Variants in LATS1 observed in about 807,000 individuals in gnomAD.
The protein encoded by LATS1 is serine/threonine-protein kinase LATS1.
Under a neutral mutation model 106.6 loss-of-function variants are expected in LATS1, and 25 were observed. The observed-to-expected ratio is 0.23, with a 90% confidence interval of 0.17 to 0.33. LATS1 has a LOEUF of 0.33. Among genes scored for constraint, LATS1 ranks in the 10% least tolerant of loss-of-function variants. The pLI is 1.00. For synonymous variants in LATS1, 465 were observed against 455.6 expected (o/e 1.02, Z -0.26); for missense variants, 1,040 against 1,382.6 (o/e 0.75, Z 3.93).
chr6:149,683,113 T>C lies in LATS1; in HGVS notation c.1976A>G (p.His659Arg), dbSNP rs770645735. The change falls in exon 4 of 8, where the codon CAT becomes CGT. Residue 659 changes from histidine to arginine, a missense_variant. His to Arg is a conservative substitution (Grantham distance 29). This residue lies in a region of LATS1 where 167 missense variants were observed against 332.1 expected (regional missense o/e 0.50). Transcript: ENST00000543571. Reference sequence around the variant, plus strand: ...TTCATTCTCTAATTGTTTTTTACGATGTAGACGCTGCTGATGAGATTTGAG... The same window carrying C: ...TTCATTCTCTAATTGTTTTTTACGACGTAGACGCTGCTGATGAGATTTGAG... ...NVLKSHQQRLHRKKQLENEMM... is the reference protein window; with the variant it reads ...NVLKSHQQRLRRKKQLENEMM... 1.2e-5 allele frequency: 20 copies of C among 1,613,276 alleles called. No individual in the cohort carries two copies. The highest frequency in any genetic ancestry group is 5.0e-5 in the Admixed American group (3 of 59,974).
chr6:149,714,309 G>C (rs1582938827), intron 1 of LATS1, among the ~76,000 whole-genome samples: 2 of 151,696 alleles, frequency 1.3e-5, no homozygotes, highest in Non-Finnish European at 2.9e-5. Context: ...GATCTTGCTA[G>C]GTTGCCCAGG....
chr6:149,673,281 G>A (rs1193158892), intron 7 of LATS1, among the ~76,000 whole-genome samples: 1 of 151,014 alleles, frequency 6.6e-6, no homozygotes, highest in Non-Finnish European at 1.5e-5. Flanking sequence ...TATTTTTTTT[G>A]TAGAGACACG....
At chr6:149,699,628 A>G (rs912121209) in intron 2 of LATS1, among the ~76,000 whole-genome samples, 2 of 152,240 alleles carry the variant, frequency 1.3e-5, no homozygotes, top group Non-Finnish European at 2.9e-5. Flanking sequence ...TAGCACTTCA[A>G]TGAAAAAAAG....
Position 149,661,921 on chromosome 6 carries a change from A to AT in LATS1, c.3200dup (p.Asn1067LysfsTer6). ...AGAATGCATGTTCAGGATGCTTTCC[A>AT]TTTTTATACCATCCATTGAGAGTGT... On this transcript the variant is annotated frameshift_variant, in exon 8 of 8. Coordinates refer to ENST00000543571, the MANE Select transcript of LATS1 (RefSeq NM_004690.4). LOFTEE classifies it high-confidence loss of function. 6.2e-7 allele frequency: 1 copy of AT among 1,613,880 alleles called. No individual in the cohort carries two copies. Among genetic ancestry groups the AT allele is most frequent in the Non-Finnish European group, 8.5e-7 (1 of 1,179,914 alleles).
intron 1 of LATS1, chr6:149,716,391 G>C (rs557137151): frequency 1.3e-5 from 2 of 152,216 alleles, no homozygotes; most frequent in African/African-American, 4.8e-5. Flanking sequence ...AAAAGTGAAA[G>C]CAACGCTGTA....
chr6:149,676,414 C>T (rs775985482), intron 6 of LATS1, 48 bp from the exon 7 acceptor site: 2 of 1,418,596 alleles, frequency 1.4e-6, no homozygotes, highest in East Asian at 2.3e-5. Context: ...GCTCAGAATA[C>T]AATAAAAATT....
rs1781966046 is a variant in LATS1 at position 149,680,363 on chromosome 6, T to C, written c.2105A>G (p.Lys702Arg). ...YIRLKRAKMD[K>R]SMFVKIKTLG... is the part of the protein sequence containing the mutation. ...TGTCTTTATCTTCACAAACATAGACTTGTCCATTTTAGCCCTTTTAAGACG... is the reference window on the plus strand; with the variant it reads ...TGTCTTTATCTTCACAAACATAGACCTGTCCATTTTAGCCCTTTTAAGACG... Residue 702 changes from lysine to arginine, a missense_variant, in exon 5 of 8, where the codon AAG (lysine) becomes AGG (arginine). Physicochemically the swap from Lys to Arg is conservative, Grantham distance 26. This residue lies in a region of LATS1 where 167 missense variants were observed against 332.1 expected (regional missense o/e 0.50). Transcript: ENST00000543571. The C allele has an allele frequency of 6.2e-7, 1 of 1,613,932 alleles. No homozygotes were observed. The highest frequency in any genetic ancestry group is 1.1e-5 in the South Asian group (1 of 91,086).
intron 4 of LATS1, 135 bp from the exon 5 acceptor site, chr6:149,680,592 G>A: frequency 1.5e-6 from 1 of 664,538 alleles, no homozygotes; most frequent in Non-Finnish European, 2.5e-6. Flanking sequence ...TAGAAATCTA[G>A]AAAACATTTC....
rs879453189 is a variant in LATS1 at position 149,711,240 on chromosome 6, T to TA, written c.-141+6608dup. On this transcript the variant is annotated intron_variant, in intron 1 of 7. Transcript: ENST00000543571. The stretch of plus-strand genomic sequence containing the variant: ...ACTAACTTTAAAGAAACTGTTTTGT[T>TA]AAAAAAAAAAAAAATATCTTTTGGC... Among the ~76,000 whole-genome samples the TA allele has an allele frequency of 3.5e-3, 507 of 143,158 alleles. 2 individuals carry two copies. The highest frequency in any genetic ancestry group is 6.5e-3 in the African/African-American group (254 of 39,362). 93.9% of individuals were successfully genotyped at this position (143,158 alleles called of 152,430 possible).
intron 1 of LATS1, among the ~76,000 whole-genome samples, chr6:149,713,603 A>C (rs1223580801): frequency 1.3e-5 from 2 of 151,832 alleles, no homozygotes; most frequent in African/African-American, 4.8e-5. Context: ...GACAATTGTA[A>C]TATTTTCATT....
Position 149,684,116 on chromosome 6 carries a change from C to A in LATS1, c.973G>T (p.Val325Phe). 6.2e-7 allele frequency: 1 copy of A among 1,614,208 alleles called. No individual in the cohort carries two copies. Among genetic ancestry groups the A allele is most frequent in the Non-Finnish European group, 8.5e-7 (1 of 1,180,030 alleles). Reference sequence around the variant, plus strand: ...TGCATGATGATTGGTTGTCTGCCAACAGGAACAGAACTAATGCCTCTCTGT... The same window carrying A: ...TGCATGATGATTGGTTGTCTGCCAAAAGGAACAGAACTAATGCCTCTCTGT... ...QGQRGISSVPVGRQPIIMQSS... is the reference protein window; with the variant it reads ...QGQRGISSVPFGRQPIIMQSS... Residue 325 changes from valine to phenylalanine, a missense_variant, in exon 4 of 8, where the codon GTT becomes TTT. This residue lies in a region of LATS1 where 624 missense variants were observed against 714.8 expected (regional missense o/e 0.87). Transcript: ENST00000543571.
At chr6:149,712,360 G>A (rs527433341) in intron 1 of LATS1, among the ~76,000 whole-genome samples, 37 of 152,126 alleles carry the variant, frequency 2.4e-4, no homozygotes, top group Admixed American at 2.0e-3. Context: ...CACCACACCC[G>A]GTTAATTTTC....
At chr6:149,664,531 C>T (rs148315580) in intron 7 of LATS1, among the ~76,000 whole-genome samples, 23 of 152,180 alleles carry the variant, frequency 1.5e-4, no homozygotes, top group Admixed American at 1.3e-4. Context: ...TAAAAGCAAC[C>T]AGAGAGGTCC....
chr6:149,679,350 G>C (rs889934056), intron 5 of LATS1, among the ~76,000 whole-genome samples: 4 of 151,906 alleles, frequency 2.6e-5, no homozygotes, highest in Non-Finnish European at 4.4e-5. Context: ...TCAGGAGTTC[G>C]AGATCAGCCT....
chr6:149,694,845 T>C (rs1782970448), intron 3 of LATS1, among the ~76,000 whole-genome samples: 2 of 152,228 alleles, frequency 1.3e-5, no homozygotes, highest in Non-Finnish European at 2.9e-5. Context: ...ACCAATCAAA[T>C]AGATCTCAAT....
chr6:149,676,988 C>T (rs75915099), intron 5 of LATS1, among the ~76,000 whole-genome samples: 2 of 152,248 alleles, frequency 1.3e-5, no homozygotes, highest in African/African-American at 4.8e-5. Flanking sequence ...TGTTAAATAA[C>T]AACAATATGA....
At position 149,680,437 on chromosome 6, in the gene LATS1, G is replaced by C. The variant is rs747832418; in HGVS notation, c.2031C>G (p.Ala677=). The change falls in exon 5 of 8, where the codon GCC becomes GCG. Residue 677 remains alanine (A), a synonymous_variant. Transcript: ENST00000543571. The stretch of plus-strand genomic sequence containing the variant: ...AAAGCATCTTTCTCATTTGATCCTG[G>C]GCATCTTGAGATAATCCAACCTAGG... The part of the protein sequence containing the change: ...EMMRVGLSQD[A]QDQMRKMLCQ... 1 of 1,608,772 alleles carries C rather than the reference G, an allele frequency of 6.2e-7. No individual in the cohort carries two copies. Among genetic ancestry groups the C allele is most frequent in the East Asian group, 2.2e-5 (1 of 44,780 alleles).
chr6:149,707,149 G>A (rs527635375), intron 1 of LATS1, among the ~76,000 whole-genome samples: 21 of 151,100 alleles, frequency 1.4e-4, no homozygotes, highest in African/African-American at 4.1e-4. Flanking sequence ...CTGAGTAGCC[G>A]AGATCACAGG....
chr6:149,682,636 G>C (rs1032890947), intron 4 of LATS1, among the ~76,000 whole-genome samples: 1 of 151,918 alleles, frequency 6.6e-6, no homozygotes, highest in East Asian at 1.9e-4. Flanking sequence ...GGATGGTCTC[G>C]ATCTCCTGAC....
Sources: allele counts gnomAD v4.1 joint callset (sites outside exome capture counted in the v4.1 genomes callset), GRCh38; gene constraint gnomAD v4.1.1; regional missense constraint gnomAD v4.1.1; transcripts MANE v1.5; gene names NCBI Gene and HGNC (gene_info 2026-07-23, HGNC 2026-07-21).